PRKN: variants seen among roughly 807,000 people sequenced by gnomAD.
PRKN encodes the protein parkin RBR E3 ubiquitin protein ligase.
Under a neutral mutation model 59.5 loss-of-function variants are expected in PRKN, and 56 were observed. That is an observed-to-expected ratio of 0.94 (90% CI 0.76 to 1.18). PRKN has a LOEUF of 1.18. Among genes scored for constraint, PRKN ranks in the 50% most tolerant of loss-of-function variants. The probability of loss-of-function intolerance (pLI) is 0.00; values close to 1 mark genes in which losing one functional copy is unlikely to be tolerated. For synonymous variants in PRKN, 250 were observed against 222.1 expected (o/e 1.13, Z -1.12); for missense variants, 657 against 596.4 (o/e 1.10, Z -1.06).
intron 7 of PRKN, among the ~76,000 whole-genome samples, chr6:161,652,652 A>C (rs1784192749): frequency 6.6e-6 from 1 of 152,224 alleles, no homozygotes; most frequent in East Asian, 1.9e-4. Context: ...AAATTAAGAA[A>C]TAACTTATGT....
intron 7 of PRKN, among the ~76,000 whole-genome samples, chr6:161,641,692 T>C (rs146228114): frequency 1.1e-3 from 173 of 152,326 alleles, no homozygotes; most frequent in African/African-American, 4.0e-3. Context: ...TTGGGCAGTA[T>C]AGGATGAGGA....
intron 6 of PRKN, among the ~76,000 whole-genome samples, chr6:161,809,550 C>T (rs911524167): frequency 3.3e-5 from 5 of 152,086 alleles, no homozygotes; most frequent in East Asian, 3.9e-4. Flanking sequence ...TATTGTCCTG[C>T]GTAGCGAACT....
intron 2 of PRKN, among the ~76,000 whole-genome samples, chr6:162,360,426 AT>A (rs1437120908): frequency 6.6e-6 from 1 of 152,198 alleles, no homozygotes; most frequent in African/African-American, 2.4e-5. Flanking sequence ...AAATTAATGG[AT>A]TTTGAAGGAG....
intron 7 of PRKN, among the ~76,000 whole-genome samples, chr6:161,691,728 A>G (rs1785802756): frequency 1.3e-5 from 2 of 152,250 alleles, no homozygotes; most frequent in South Asian, 4.1e-4. Context: ...TAAATAGGCC[A>G]TGAAAAGGAC....
At chr6:162,213,104 C>G (rs779677262) in intron 3 of PRKN, among the ~76,000 whole-genome samples, 4 of 152,060 alleles carry the variant, frequency 2.6e-5, no homozygotes, top group Non-Finnish European at 5.9e-5. Context: ...ATCTAGCTTT[C>G]TAAATGTACT....
chr6:162,369,715 C>T (rs1447118567), intron 2 of PRKN, among the ~76,000 whole-genome samples: 3 of 152,150 alleles, frequency 2.0e-5, no homozygotes, highest in Non-Finnish European at 2.9e-5. Flanking sequence ...TTAGCATCCA[C>T]GGATAGGAAC....
At chr6:162,079,424 C>T (rs1464309219) in intron 4 of PRKN, among the ~76,000 whole-genome samples, 2 of 152,118 alleles carry the variant, frequency 1.3e-5, no homozygotes, top group Non-Finnish European at 2.9e-5. Flanking sequence ...AAGCCAGCAT[C>T]TTATTTTGAT....
intron 6 of PRKN, among the ~76,000 whole-genome samples, chr6:161,832,707 G>A (rs1382698437): frequency 6.6e-6 from 1 of 151,470 alleles, no homozygotes; most frequent in Non-Finnish European, 1.5e-5. Flanking sequence ...CCTCCATGGT[G>A]TCTTACAGCC....
In PRKN at chr6:162,538,652, G is replaced by A. The variant is rs1007919577; in HGVS notation, c.8-95179C>T. ...ACAGAATCTCTGAGGCAACGACCGC[G>A]TGTGGGAAGTCAGCCTATTTAACTT... On this transcript the variant is annotated intron_variant, in intron 1 of 11. Coordinates refer to ENST00000366898, the MANE Select transcript of PRKN (RefSeq NM_004562.3). 1.4e-4 allele frequency among the ~76,000 whole-genome samples: 22 copies of A among 152,236 alleles called. 1 individual carries two copies. Among genetic ancestry groups the A allele is most frequent in the African/African-American group, 4.1e-4 (17 of 41,546 alleles).
chr6:162,631,985 T>TAAAAAAAAA (rs766901063), intron 1 of PRKN, among the ~76,000 whole-genome samples: 1 of 117,218 alleles, frequency 8.5e-6, no homozygotes. Flanking sequence ...TATTAAAAAG[T>TAAAAAAAAA]AAAAAAAAAA....
intron 2 of PRKN, among the ~76,000 whole-genome samples, chr6:162,334,248 A>C (rs1783725969): frequency 6.6e-6 from 1 of 152,240 alleles, no homozygotes; most frequent in Non-Finnish European, 1.5e-5. Flanking sequence ...ACAGATATTC[A>C]GTGTAGAGAA....
intron 1 of PRKN, among the ~76,000 whole-genome samples, chr6:162,615,247 A>C (rs2128219643): frequency 6.6e-6 from 1 of 152,290 alleles, no homozygotes; most frequent in South Asian, 2.1e-4. Flanking sequence ...TTGGTGAGTC[A>C]GTTCTATGTT....
chr6:161,384,769 T>A (rs1350218131), intron 10 of PRKN, among the ~76,000 whole-genome samples: 1 of 152,150 alleles, frequency 6.6e-6, no homozygotes, highest in African/African-American at 2.4e-5. Context: ...CTCTGACCCA[T>A]CTTCTGTGAC....
intron 1 of PRKN, among the ~76,000 whole-genome samples, chr6:162,682,326 C>G (rs141436022): frequency 1.0e-3 from 155 of 152,132 alleles, no homozygotes; most frequent in African/African-American, 3.1e-3. Flanking sequence ...TCGTAGCACC[C>G]TTCACAATAG....
rs1779837858 is a variant in PRKN, at chr6:161,547,471, A to G, written c.1083+1383T>C. ...TAAACCCTTCAACATTCTTAAAGCA[A>G]GGTCAACAACCAAATGCAAAAGATG... On this transcript the variant is annotated intron_variant, in intron 9 of 11. Transcript: ENST00000366898. The surrounding 1 kb of genome is among the most constrained non-coding windows in gnomAD (Gnocchi z 4.0). Among the ~76,000 whole-genome samples the G allele has an allele frequency of 6.6e-6, 1 of 152,242 alleles. No individual in the cohort carries two copies. The highest frequency in any genetic ancestry group is 6.5e-5 in the Admixed American group (1 of 15,284).
At chr6:161,798,887 G>A (rs940100599) in intron 6 of PRKN, among the ~76,000 whole-genome samples, 25 of 152,156 alleles carry the variant, frequency 1.6e-4, no homozygotes, top group African/African-American at 6.0e-4. Flanking sequence ...CCCTGGGTCA[G>A]GCGCCCCTCC....
chr6:161,552,418 G>A lies in PRKN; in HGVS notation c.934-3415C>T, dbSNP rs1428163475. Among the ~76,000 whole-genome samples the A allele has an allele frequency of 8.6e-5, 10 of 115,732 alleles. No homozygotes were observed. The highest frequency in any genetic ancestry group is 8.5e-4 in the Admixed American group (10 of 11,746). The allele number at this position is 115,732 out of a possible 152,430, so 75.9% of individuals were successfully genotyped here. Reference sequence around the variant, plus strand: ...CACCTATGACTGTGAATGATCTCACGGTGATCCTCCAAGCCTCTCTCCCTC... The same window carrying A: ...CACCTATGACTGTGAATGATCTCACAGTGATCCTCCAAGCCTCTCTCCCTC... On this transcript the variant is annotated intron_variant, in intron 8 of 11. Transcript: ENST00000366898. The surrounding 1 kb of genome is among the most constrained non-coding windows in gnomAD (Gnocchi z 4.9).
At chr6:161,619,088 C>T (rs941430783) in intron 7 of PRKN, among the ~76,000 whole-genome samples, 8 of 151,984 alleles carry the variant, frequency 5.3e-5, no homozygotes, top group Admixed American at 2.6e-4. Flanking sequence ...CTGAATCCGC[C>T]GGGTCTGAAA....
intron 3 of PRKN, among the ~76,000 whole-genome samples, chr6:162,236,416 A>G (rs1177283582): frequency 1.3e-5 from 2 of 152,062 alleles, no homozygotes; most frequent in African/African-American, 4.8e-5. Context: ...ACCCTCTCTC[A>G]TTTACTATCC....
Sources: gnomAD v4.1 joint callset for allele counts (sites outside exome capture counted in the v4.1 genomes callset) on GRCh38, gnomAD v4.1.1 for gene constraint, Gnocchi (gnomAD v3.1) non-coding constraint, MANE v1.5 for transcripts, NCBI Gene and HGNC (gene_info 2026-07-23, HGNC 2026-07-21) for gene names.